DLEU7: variants seen among roughly 807,000 people sequenced by gnomAD.
DLEU7 encodes deleted in lymphocytic leukemia 7.
A neutral mutation model predicts 16.0 loss-of-function variants in DLEU7; 17 were observed. That is an observed-to-expected ratio of 1.06 (90% CI 0.73 to 1.59). The LOEUF (loss-of-function observed/expected upper bound fraction) is 1.59. Among genes scored for constraint, DLEU7 ranks in the 40% most tolerant of loss-of-function variants. DLEU7 has a pLI of 0.00. For missense variants in DLEU7, 308 were observed against 314.9 expected (o/e 0.98, Z 0.17); for synonymous variants, 113 against 139.8 (o/e 0.81, Z 1.35).
chr13:50,772,038 T>A (rs1215806846), intron 1 of DLEU7, among the ~76,000 whole-genome samples: 3 of 152,242 alleles, frequency 2.0e-5, no homozygotes. Context: ...TTGTCTCTTT[T>A]GATCTTTGTT....
chr13:50,758,025 A>ATTTTTTTTTTTTTTTTTTTTTTTT (rs5803530), intron 1 of DLEU7, among the ~76,000 whole-genome samples: 3 of 89,110 alleles, frequency 3.4e-5, no homozygotes, highest in Non-Finnish European at 4.1e-5. Flanking sequence ...CATTACCAAG[A>ATTTTTTTTTTTTTTTTTTTTTTTT]TTTTTTTTTT....
intron 1 of DLEU7, among the ~76,000 whole-genome samples, chr13:50,750,082 T>C (rs1332507438): frequency 6.6e-6 from 1 of 152,236 alleles, no homozygotes; most frequent in African/African-American, 2.4e-5. Flanking sequence ...TAGATTTAAG[T>C]CCTTAATCCA....
At chr13:50,717,595 A>C (rs1873475829) in intron 1 of DLEU7, among the ~76,000 whole-genome samples, 1 of 148,714 alleles carries the variant, frequency 6.7e-6, no homozygotes. Context: ...TTTTTTTTTC[A>C]AATTTAGGAT....
chr13:50,823,141 A>G lies in DLEU7; in HGVS notation c.*173T>C, dbSNP rs1876965114. The stretch of plus-strand genomic sequence containing the variant: ...ACTGCTTTAAAAAAATTTCATTAAC[A>G]TGCTATAATCCCGAAGGCTACAGAT... On this transcript the variant is annotated 3_prime_UTR_variant, in exon 2 of 2. Coordinates refer to ENST00000504404, the MANE Select transcript of DLEU7 (RefSeq NM_001306135.2). 2 of 1,400,500 alleles carry G rather than the reference A, an allele frequency of 1.4e-6. No homozygotes were observed. Among genetic ancestry groups the G allele is most frequent in the Non-Finnish European group, 1.9e-6 (2 of 1,078,924 alleles). 86.8% of individuals were successfully genotyped at this position (1,400,500 alleles called of 1,614,324 possible). A position where few individuals can be genotyped will look rare whatever the true frequency, so the allele number is the denominator to read the frequency against.
At chr13:50,728,651 A>C (rs569626215) in intron 1 of DLEU7, among the ~76,000 whole-genome samples, 1 of 152,188 alleles carries the variant, frequency 6.6e-6, no homozygotes, top group Non-Finnish European at 1.5e-5. Context: ...AGTTGACTTC[A>C]TCAGCCTTTC....
chr13:50,752,356 T>C (rs28842525), intron 1 of DLEU7, among the ~76,000 whole-genome samples: 71,924 of 151,876 alleles, frequency 0.47, 18,071 homozygotes, highest in African/African-American at 0.63. Flanking sequence ...AGGCCTTTTT[T>C]AGTCTTTTTG....
intron 1 of DLEU7, among the ~76,000 whole-genome samples, chr13:50,778,128 TG>T (rs1161705949): frequency 6.6e-6 from 1 of 152,068 alleles, no homozygotes; most frequent in African/African-American, 2.4e-5. Context: ...AAGCATGACT[TG>T]GGGGTCTCAG....
At chr13:50,841,945 G>A (rs372556483) in intron 1 of DLEU7, among the ~76,000 whole-genome samples, 53 of 142,860 alleles carry the variant, frequency 3.7e-4, no homozygotes, top group East Asian at 3.3e-3. Flanking sequence ...CCACCCCACC[G>A]CCCCCGCCAC....
chr13:50,834,444 CTCA>C, intron 1 of DLEU7, among the ~76,000 whole-genome samples: 1 of 150,856 alleles, frequency 6.6e-6, no homozygotes, highest in Non-Finnish European at 1.5e-5. Context: ...AAAAAAAAAA[CTCA>C]TCATCACTGG....
chr13:50,756,570 C>T (rs982380355), intron 1 of DLEU7, among the ~76,000 whole-genome samples: 6 of 152,134 alleles, frequency 3.9e-5, no homozygotes, highest in African/African-American at 9.7e-5. Flanking sequence ...CACTGTGACC[C>T]GCTAACAACC....
chr13:50,737,456 G>A (rs1874106436), intron 1 of DLEU7, among the ~76,000 whole-genome samples: 1 of 152,006 alleles, frequency 6.6e-6, no homozygotes, highest in Non-Finnish European at 1.5e-5. Flanking sequence ...GTCTATTGGA[G>A]CCATTTTCTC....
At chr13:50,771,037 T>A (rs1206914445) in intron 1 of DLEU7, among the ~76,000 whole-genome samples, 1 of 152,222 alleles carries the variant, frequency 6.6e-6, no homozygotes, top group African/African-American at 2.4e-5. Flanking sequence ...TCTTCTAGAT[T>A]TTCTAGTTTA....
intron 1 of DLEU7, among the ~76,000 whole-genome samples, chr13:50,725,828 T>TA (rs1226307365): frequency 6.6e-6 from 1 of 152,182 alleles, no homozygotes; most frequent in African/African-American, 2.4e-5. Context: ...ATTTTTTTTT[T>TA]ATTTCACTAA....
At chr13:50,799,316 C>T (rs941724996) in intron 1 of DLEU7, among the ~76,000 whole-genome samples, 1 of 152,134 alleles carries the variant, frequency 6.6e-6, no homozygotes, top group South Asian at 2.1e-4. Flanking sequence ...CAGAAATGGC[C>T]GTGTAAAACA....
chr13:50,770,546 T>A (rs1208844730), intron 1 of DLEU7, among the ~76,000 whole-genome samples: 1 of 152,224 alleles, frequency 6.6e-6, no homozygotes, highest in African/African-American at 2.4e-5. Flanking sequence ...GTTTTTGTCT[T>A]TGGTTCTATT....
chr13:50,732,840 C>T (rs1873954329), intron 1 of DLEU7, among the ~76,000 whole-genome samples: 1 of 152,074 alleles, frequency 6.6e-6, no homozygotes, highest in African/African-American at 2.4e-5. Context: ...ACACAGTATG[C>T]ATAGTAACTT....
At chr13:50,758,025 A>ATTTTTT (rs5803530) in intron 1 of DLEU7, among the ~76,000 whole-genome samples, 11 of 89,104 alleles carry the variant, frequency 1.2e-4, no homozygotes, top group South Asian at 7.4e-4. Flanking sequence ...CATTACCAAG[A>ATTTTTT]TTTTTTTTTT....
At chr13:50,774,211 C>T (rs1566247218) in intron 1 of DLEU7, among the ~76,000 whole-genome samples, 1 of 152,184 alleles carries the variant, frequency 6.6e-6, no homozygotes, top group African/African-American at 2.4e-5. Flanking sequence ...TCCCCCAACC[C>T]CTTGAGCTTC....
At chr13:50,780,621 G>A (rs568713047) in intron 1 of DLEU7, among the ~76,000 whole-genome samples, 1 of 152,272 alleles carries the variant, frequency 6.6e-6, no homozygotes, top group Non-Finnish European at 1.5e-5. Context: ...TTGGGGTGGA[G>A]GGAGAATACC....
Sources: allele counts gnomAD v4.1 joint callset (sites outside exome capture counted in the v4.1 genomes callset), GRCh38; gene constraint gnomAD v4.1.1; transcripts MANE v1.5; gene names NCBI Gene and HGNC (gene_info 2026-07-23, HGNC 2026-07-21).